Variants in FRMD4A observed in about 807,000 individuals in gnomAD.
The protein encoded by FRMD4A is FERM domain containing 4A.
In FRMD4A, 29 loss-of-function variants were observed where a neutral mutation model predicts 129.1. That is an observed-to-expected ratio of 0.22 (90% CI 0.17 to 0.31). The LOEUF (loss-of-function observed/expected upper bound fraction) is 0.31, where lower values mean the gene tolerates loss of function less well. Ranked by LOEUF, FRMD4A falls within the 10% of genes least tolerant of loss-of-function variation. The probability of loss-of-function intolerance (pLI) is 1.00; values close to 1 mark genes in which losing one functional copy is unlikely to be tolerated. For synonymous variants in FRMD4A, 634 were observed against 571.6 expected, an observed-to-expected ratio of 1.11 and a Z score of -1.56; for missense variants, 1,272 against 1,375.8, an observed-to-expected ratio of 0.92 and a Z score of 1.19.
Position 14,232,172 on chromosome 10 carries a change from A to G in FRMD4A, c.45+97886T>C, listed in dbSNP as rs180825484. Among the ~76,000 whole-genome samples the G allele has an allele frequency of 5.3e-5, 8 of 152,224 alleles. No individual in the cohort carries two copies. In the East Asian group the frequency reaches 5.8e-4, roughly 11 times the overall value. On this transcript the variant is annotated intron_variant, in intron 2 of 24. Coordinates refer to ENST00000357447, the MANE Select transcript of FRMD4A (RefSeq NM_018027.5). ...TGGCTAGCCAGTTATCCCAGCACCC[A>G]TTATTGAATAGGGAATCCTTTTCCC...
intron 2 of FRMD4A, among the ~76,000 whole-genome samples, chr10:14,161,313 A>G (rs1248183101): frequency 6.6e-6 from 1 of 152,208 alleles, no homozygotes; most frequent in Non-Finnish European, 1.5e-5. Flanking sequence ...CAATTCCACT[A>G]TCGGGTATTT....
intron 2 of FRMD4A, among the ~76,000 whole-genome samples, chr10:14,197,900 C>T (rs573003838): frequency 6.6e-6 from 1 of 152,310 alleles, no homozygotes; most frequent in East Asian, 1.9e-4. Context: ...TCTACTTATT[C>T]ATCACTGACC....
chr10:13,830,338 A>G (rs1358888830), intron 3 of FRMD4A, among the ~76,000 whole-genome samples: 1 of 152,224 alleles, frequency 6.6e-6, no homozygotes. Flanking sequence ...CCCCTCTGAC[A>G]GACTCCAGAA....
At chr10:13,835,493 T>A (rs2093858867) in intron 3 of FRMD4A, among the ~76,000 whole-genome samples, 1 of 152,104 alleles carries the variant, frequency 6.6e-6, no homozygotes, top group South Asian at 2.1e-4. Flanking sequence ...GAGTGAAGCT[T>A]CATCTGTATT....
intron 2 of FRMD4A, among the ~76,000 whole-genome samples, chr10:14,047,992 C>T (rs888292211): frequency 3.3e-5 from 5 of 152,174 alleles, no homozygotes; most frequent in African/African-American, 1.2e-4. Flanking sequence ...GCATTTAGCG[C>T]ACAGCCCAGC....
Position 13,954,459 on chromosome 10 carries a change from A to T in FRMD4A, c.46-95547T>A, listed in dbSNP as rs2095395543. 2.0e-5 allele frequency among the ~76,000 whole-genome samples: 3 copies of T among 152,250 alleles called. No individual in the cohort carries two copies. The South Asian group carries it at 6.2e-4, about 32-fold the overall frequency. On this transcript the variant is annotated intron_variant, in intron 2 of 24. Transcript: ENST00000357447. Reference sequence around the variant, plus strand: ...CCACTATCATGAGAACAGCACGGGAAAGATCCGCCCCCATGATTCAATAAC... The same window carrying T: ...CCACTATCATGAGAACAGCACGGGATAGATCCGCCCCCATGATTCAATAAC...
intron 4 of FRMD4A, among the ~76,000 whole-genome samples, chr10:13,809,342 G>A (rs2093408182): frequency 1.3e-5 from 2 of 152,192 alleles, no homozygotes; most frequent in Non-Finnish European, 2.9e-5. Context: ...GTAAACTTAC[G>A]TGGGAAATGT....
chr10:13,672,254 T>C (rs1024008944), intron 16 of FRMD4A, among the ~76,000 whole-genome samples: 5 of 152,166 alleles, frequency 3.3e-5, no homozygotes, highest in African/African-American at 1.2e-4. Context: ...TGGCCAACTA[T>C]CTGAGTATCA....
chr10:13,671,948 A>G (rs1169157972), intron 16 of FRMD4A, among the ~76,000 whole-genome samples: 1 of 152,268 alleles, frequency 6.6e-6, no homozygotes, highest in Non-Finnish European at 1.5e-5. Context: ...TCCATCATCT[A>G]CACAGAAAGC....
chr10:14,233,353 T>A (rs914104620), intron 2 of FRMD4A, among the ~76,000 whole-genome samples: 1 of 152,166 alleles, frequency 6.6e-6, no homozygotes, highest in African/African-American at 2.4e-5. Context: ...GCAGATCACC[T>A]GAGGTCAGGA....
intron 8 of FRMD4A, among the ~76,000 whole-genome samples, chr10:13,757,076 A>T (rs1375409511): frequency 6.6e-6 from 1 of 152,260 alleles, no homozygotes; most frequent in Non-Finnish European, 1.5e-5. Flanking sequence ...AGAATCATAG[A>T]TAATGTCTGT....
chr10:14,313,913 G>A (rs1169359228), intron 2 of FRMD4A, among the ~76,000 whole-genome samples: 1 of 152,168 alleles, frequency 6.6e-6, no homozygotes, highest in Non-Finnish European at 1.5e-5. Flanking sequence ...TAAAAATGCA[G>A]CTACTCTTTT....
intron 2 of FRMD4A, among the ~76,000 whole-genome samples, chr10:14,287,641 C>G (rs1845723357): frequency 6.6e-6 from 1 of 152,106 alleles, no homozygotes; most frequent in Non-Finnish European, 1.5e-5. Context: ...GAGACAGTTT[C>G]TATTGTAAAA....
At chr10:13,689,431 C>A (rs1405314926) in intron 15 of FRMD4A, among the ~76,000 whole-genome samples, 3 of 151,698 alleles carry the variant, frequency 2.0e-5, no homozygotes, top group Non-Finnish European at 4.4e-5. Context: ...AGGTCTCATA[C>A]CAGTGTGACA....
rs1051236041 is a variant in FRMD4A at position 13,660,901 on chromosome 10, G to A, written c.1661-348C>T. 6.6e-5 allele frequency among the ~76,000 whole-genome samples: 10 copies of A among 152,180 alleles called. No homozygotes were observed. The Middle Eastern group carries it at 0.017, about 261-fold the overall frequency. Reference sequence around the variant, plus strand: ...AATGTAGTTACTGCTGTAGTGCTAAGTTGTCTTTCAACAGATGCTAAGCAT... The same window carrying A: ...AATGTAGTTACTGCTGTAGTGCTAAATTGTCTTTCAACAGATGCTAAGCAT... On this transcript the variant is annotated intron_variant, in intron 19 of 24. Transcript: ENST00000357447.
chr10:14,252,677 G>C lies in FRMD4A; in HGVS notation c.45+77381C>G, dbSNP rs1844480137. ...TCTGGCAATGTTAACTTTGATCATT[G>C]GTTAAGGTGGTATATGCCACATATC... On this transcript the variant is annotated intron_variant, in intron 2 of 24. Transcript: ENST00000357447. Among the ~76,000 whole-genome samples the C allele has an allele frequency of 1.3e-5, 2 of 152,164 alleles. 1 individual carries two copies. Among genetic ancestry groups the C allele is most frequent in the South Asian group, 4.2e-4 (2 of 4,818 alleles).
At chr10:14,270,430 C>G (rs1388638392) in intron 2 of FRMD4A, among the ~76,000 whole-genome samples, 2 of 152,168 alleles carry the variant, frequency 1.3e-5, no homozygotes, top group Non-Finnish European at 2.9e-5. Flanking sequence ...ATCCTATCTA[C>G]CACCATGGTC....
intron 2 of FRMD4A, among the ~76,000 whole-genome samples, chr10:14,210,732 CTTTG>C (rs911394129): frequency 2.0e-5 from 3 of 152,014 alleles, no homozygotes; most frequent in Admixed American, 6.6e-5. Context: ...TTGTTTGTTT[CTTTG>C]TTTGTTTTTG....
chr10:13,732,462 G>A (rs1242245721), intron 12 of FRMD4A, among the ~76,000 whole-genome samples: 1 of 152,186 alleles, frequency 6.6e-6, no homozygotes, highest in Non-Finnish European at 1.5e-5. Flanking sequence ...TCTGGGCTCT[G>A]AAAAGGAGAG....
Sources: gnomAD v4.1 joint callset for allele counts (sites outside exome capture counted in the v4.1 genomes callset) on GRCh38, gnomAD v4.1.1 for gene constraint, MANE v1.5 for transcripts, NCBI Gene and HGNC (gene_info 2026-07-23, HGNC 2026-07-21) for gene names.